The following TCF4 variants were observed in gnomAD, a reference collection of about 807,000 sequenced individuals.
TCF4 encodes the protein SL3-3 enhancer factor 2.
A neutral mutation model predicts 82.1 loss-of-function variants in TCF4; 3 were observed. The observed-to-expected ratio is 0.04, with a 90% confidence interval of 0.02 to 0.09. The LOEUF (loss-of-function observed/expected upper bound fraction) is 0.09, where lower values mean the gene tolerates loss of function less well. Ranked by LOEUF, TCF4 falls within the 10% of genes least tolerant of loss-of-function variation. The probability of loss-of-function intolerance (pLI) is 1.00; values close to 1 mark genes in which losing one functional copy is unlikely to be tolerated. For synonymous variants in TCF4, 276 were observed against 309.6 expected, an observed-to-expected ratio of 0.89 and a Z score of 1.14; for missense variants, 518 against 852.7, an observed-to-expected ratio of 0.61 and a Z score of 4.89.
At chr18:55,402,242 T>A (rs965749265) in intron 6 of TCF4, 3 of 985,136 alleles carry the variant, frequency 3.0e-6, no homozygotes, top group Non-Finnish European at 3.6e-6. Context: ...GAGTAAACTT[T>A]AAAAATGCAA....
At chr18:55,419,151 TGA>T (rs1458270545) in intron 5 of TCF4, among the ~76,000 whole-genome samples, 2 of 152,206 alleles carry the variant, frequency 1.3e-5, no homozygotes, top group African/African-American at 4.8e-5. Flanking sequence ...TGGCCTACAC[TGA>T]GTTTTACACA....
chr18:55,630,990 A>C (rs1044254740), intron 2 of TCF4, among the ~76,000 whole-genome samples: 12 of 152,152 alleles, frequency 7.9e-5, no homozygotes, highest in African/African-American at 2.7e-4. Flanking sequence ...GCACTGGGTC[A>C]GTACATACAA....
intron 3 of TCF4, among the ~76,000 whole-genome samples, chr18:55,575,361 A>C (rs2097519204): frequency 6.6e-6 from 1 of 152,218 alleles, no homozygotes; most frequent in African/African-American, 2.4e-5. Context: ...ATTTCTTTTC[A>C]AACTTACAAA....
rs1660240 is a variant in TCF4, at chr18:55,293,758, C to T, written c.550-14102G>A. On this transcript the variant is annotated intron_variant, in intron 8 of 19. Coordinates refer to ENST00000354452, the MANE Select transcript of TCF4 (RefSeq NM_001083962.2). ...TTTGATGTTGATGAACCTCAGTGTT[C>T]TTAAACAGAAAGTTTCTTGACATGT... Among the ~76,000 whole-genome samples, 6 of 152,084 alleles carry T rather than the reference C, an allele frequency of 3.9e-5. No individual in the cohort carries two copies. In the South Asian group the frequency reaches 1.2e-3, roughly 32 times the overall value.
chr18:55,624,193 A>AT (rs2097724309), intron 2 of TCF4, among the ~76,000 whole-genome samples: 1 of 151,970 alleles, frequency 6.6e-6, no homozygotes. Context: ...TTTTATATAA[A>AT]TTTTTTAGTT....
intron 6 of TCF4, among the ~76,000 whole-genome samples, chr18:55,391,832 G>A (rs1190576934): frequency 6.6e-6 from 1 of 151,060 alleles, no homozygotes; most frequent in Non-Finnish European, 1.5e-5. Context: ...CAACTACTCG[G>A]GAGGGTGAAA....
intron 6 of TCF4, among the ~76,000 whole-genome samples, chr18:55,374,871 TAAAAAAAAAAAA>T (rs5825137): frequency 1.5e-5 from 1 of 67,146 alleles, no homozygotes; most frequent in Non-Finnish European, 2.8e-5. Context: ...AGGCCCTGTC[TAAAAAAAAAAAA>T]AAAAAAAAAA....
intron 3 of TCF4, among the ~76,000 whole-genome samples, chr18:55,557,709 C>T (rs2097316563): frequency 6.6e-6 from 1 of 152,036 alleles, no homozygotes; most frequent in Admixed American, 6.6e-5. Context: ...AGTCTCATCC[C>T]CATCACACTA....
Position 55,261,500 on chromosome 18 carries a change from T to G in TCF4, c.956A>C (p.Gln319Pro). Residue 319 changes from glutamine (Q) to proline (P), a missense_variant, in exon 12 of 20, where the codon CAG becomes CCG. By Grantham distance (76) the Gln-to-Pro change is moderately conservative. Coordinates refer to ENST00000354452, the MANE Select transcript of TCF4 (RefSeq NM_001083962.2). ...NRGSGAAGSS[Q>P]TGDALGKALA... Reference sequence around the variant, plus strand: ...TGCTTTCCCCAGAGCATCTCCAGTCTGGGAGCTGCCGGCTGCCCCGCTTCC... The same window carrying G: ...TGCTTTCCCCAGAGCATCTCCAGTCGGGGAGCTGCCGGCTGCCCCGCTTCC... 1 of 1,613,970 alleles carries G rather than the reference T, an allele frequency of 6.2e-7. No homozygotes were observed. Among genetic ancestry groups the G allele is most frequent in the Non-Finnish European group, 8.5e-7 (1 of 1,179,866 alleles).
chr18:55,434,586 ATT>A (rs560364171), intron 5 of TCF4, among the ~76,000 whole-genome samples: 2 of 141,768 alleles, frequency 1.4e-5, no homozygotes, highest in Non-Finnish European at 1.6e-5. Context: ...CGCCCGGCTA[ATT>A]TTTTTTTTTT....
In TCF4 at chr18:55,305,162, G is replaced by A. The variant is rs1039708582; in HGVS notation, c.550-25506C>T. 5.3e-5 allele frequency among the ~76,000 whole-genome samples: 8 copies of A among 152,174 alleles called. No homozygotes were observed. The South Asian group carries it at 1.2e-3, about 24-fold the overall frequency. On this transcript the variant is annotated intron_variant, in intron 8 of 19. Coordinates refer to ENST00000354452, the MANE Select transcript of TCF4 (RefSeq NM_001083962.2). ...TTATCTTTAATTAAATGGAATTGTC[G>A]TCTTCCTCCCGCTATCATCCCCAAT...
At chr18:55,543,526 C>T (rs1309429472) in intron 3 of TCF4, among the ~76,000 whole-genome samples, 2 of 152,074 alleles carry the variant, frequency 1.3e-5, no homozygotes, top group African/African-American at 2.4e-5. Context: ...AGCTGTTCAA[C>T]GTCCATTATT....
At chr18:55,345,297 A>C (rs1265991707) in intron 8 of TCF4, among the ~76,000 whole-genome samples, 6 of 66,294 alleles carry the variant, frequency 9.1e-5, no homozygotes, top group African/African-American at 5.7e-5. Flanking sequence ...GGTTTTCACA[A>C]AAAAAAAAAA....
intron 3 of TCF4, among the ~76,000 whole-genome samples, chr18:55,520,007 C>A (rs2096920020): frequency 6.6e-6 from 1 of 152,138 alleles, no homozygotes; most frequent in African/African-American, 2.4e-5. Context: ...ACCTTCCCAT[C>A]CCCTGAAGAC....
chr18:55,513,370 T>A (rs1440462436), intron 3 of TCF4, among the ~76,000 whole-genome samples: 2 of 916 alleles, frequency 2.2e-3, no homozygotes, highest in South Asian at 0.038. Flanking sequence ...AGCCCTCAGC[T>A]TTTTTTTTTT....
intron 3 of TCF4, among the ~76,000 whole-genome samples, chr18:55,528,431 C>T (rs2097017576): frequency 6.6e-6 from 1 of 152,280 alleles, no homozygotes; most frequent in East Asian, 1.9e-4. Context: ...TGGATATGTA[C>T]AGCCTTACCT....
At chr18:55,473,250 G>T (rs974159545) in intron 3 of TCF4, among the ~76,000 whole-genome samples, 6 of 152,022 alleles carry the variant, frequency 3.9e-5, no homozygotes, top group Non-Finnish European at 1.5e-5. Flanking sequence ...TTCTGAGAAG[G>T]GGAGGCTGGC....
chr18:55,417,574 T>C (rs144743757), intron 5 of TCF4, among the ~76,000 whole-genome samples: 108 of 152,336 alleles, frequency 7.1e-4, no homozygotes, highest in African/African-American at 2.5e-3. Flanking sequence ...ACTGACTCTG[T>C]CAGTCTCTCC....
chr18:55,577,275 T>G (rs2097539418), intron 3 of TCF4, among the ~76,000 whole-genome samples: 1 of 147,858 alleles, frequency 6.8e-6, no homozygotes, highest in Admixed American at 6.8e-5. Flanking sequence ...TATGTGTATA[T>G]ATACATATAT....
Sources: gnomAD v4.1 joint callset for allele counts (sites outside exome capture counted in the v4.1 genomes callset) on GRCh38, gnomAD v4.1.1 for gene constraint, MANE v1.5 for transcripts, NCBI Gene and HGNC (gene_info 2026-07-23, HGNC 2026-07-21) for gene names.